Variants in INSC observed in about 807,000 individuals in gnomAD.
INSC encodes protein inscuteable homolog.
Under a neutral mutation model 58.6 loss-of-function variants are expected in INSC, and 67 were observed. That is an observed-to-expected ratio of 1.14 (90% CI 0.94 to 1.40). The LOEUF is 1.40. Among genes scored for constraint, INSC ranks in the 40% most tolerant of loss-of-function variants. INSC has a pLI of 0.00. For synonymous variants in INSC, 262 were observed against 276.1 expected (o/e 0.95, Z 0.51); for missense variants, 714 against 692.0 (o/e 1.03, Z -0.36).
intron 7 of INSC, among the ~76,000 whole-genome samples, chr11:15,215,952 C>T (rs1040972803): frequency 2.0e-5 from 3 of 151,992 alleles, no homozygotes; most frequent in East Asian, 1.9e-4. Context: ...TTGAGGTGCC[C>T]GTGGAATATC....
In INSC at chr11:15,124,475, G is replaced by A. The variant is rs1198766959; in HGVS notation, c.-46+9472G>A. 2.0e-5 allele frequency among the ~76,000 whole-genome samples: 3 copies of A among 152,260 alleles called. No individual in the cohort carries two copies. The East Asian group carries it at 5.8e-4, about 29-fold the overall frequency. Reference sequence around the variant, plus strand: ...CTTTGCAGAGGTGTTAGGGGGCTCTGGCCTTAAGGGGAAATAGGAACACAG... The same window carrying A: ...CTTTGCAGAGGTGTTAGGGGGCTCTAGCCTTAAGGGGAAATAGGAACACAG... On this transcript the variant is annotated intron_variant, in intron 1 of 12. Coordinates refer to ENST00000379556, the MANE Select transcript of INSC (RefSeq NM_001042536.3).
rs553168265 is a variant in INSC at position 15,119,109 on chromosome 11, C to T, written c.-46+4106C>T. Among the ~76,000 whole-genome samples the T allele has an allele frequency of 2.6e-5, 4 of 152,344 alleles. No individual in the cohort carries two copies. The South Asian group carries it at 6.2e-4, about 24-fold the overall frequency. On this transcript the variant is annotated intron_variant, in intron 1 of 12. Transcript: ENST00000379556. ...AAGGCTTTCAAAGCAGAAAAAACTA[C>T]TCCTTTGGGCAAATTGGGGAATGAG... is the stretch of plus-strand genomic sequence containing the variant.
At chr11:15,189,056 A>G (rs1850071775) in intron 5 of INSC, among the ~76,000 whole-genome samples, 1 of 152,240 alleles carries the variant, frequency 6.6e-6, no homozygotes, top group South Asian at 2.1e-4. Flanking sequence ...TAAATACACA[A>G]TTAATCTTAG....
At chr11:15,188,133 A>G in intron 5 of INSC, 1 of 962,324 alleles carries the variant, frequency 1.0e-6, no homozygotes, top group Non-Finnish European at 1.2e-6. Flanking sequence ...GCTTAGGGGA[A>G]GTGTGGCCTT....
intron 10 of INSC, among the ~76,000 whole-genome samples, chr11:15,236,055 CAAAA>C (rs66649068): frequency 0.1 from 9,875 of 98,968 alleles, 720 homozygotes; most frequent in African/African-American, 0.26. Context: ...GACTCTGTCT[CAAAA>C]AAAAAAAAAA....
chr11:15,265,569 T>A, the INSC span, among the ~76,000 whole-genome samples: 2 of 151,830 alleles, frequency 1.3e-5, no homozygotes, highest in Non-Finnish European at 2.9e-5. Flanking sequence ...GCATAAAACT[T>A]TCAAAATATC....
intron 9 of INSC, among the ~76,000 whole-genome samples, chr11:15,229,962 A>T (rs865823677): frequency 1.6e-3 from 45 of 28,190 alleles, no homozygotes; most frequent in African/African-American, 7.3e-3. Context: ...ATATATATTT[A>T]TATATATATA....
intron 2 of INSC, among the ~76,000 whole-genome samples, chr11:15,164,871 A>T (rs912946035): frequency 1.3e-5 from 2 of 152,100 alleles, no homozygotes; most frequent in African/African-American, 4.8e-5. Flanking sequence ...AATAAGTCTC[A>T]CGAGATCTGA....
At chr11:15,236,535 C>T (rs182530002) in intron 10 of INSC, among the ~76,000 whole-genome samples, 5 of 152,324 alleles carry the variant, frequency 3.3e-5, no homozygotes, top group Admixed American at 2.6e-4. Context: ...CACTTGCTCC[C>T]TTGTTCCATC....
At chr11:15,186,111 T>A (rs1308527395) in intron 5 of INSC, among the ~76,000 whole-genome samples, 1 of 152,212 alleles carries the variant, frequency 6.6e-6, no homozygotes, top group African/African-American at 2.4e-5. Context: ...CCTCAGCAGA[T>A]ACCTGAACTG....
chr11:15,114,343 T>C (rs1847640277), upstream of INSC, among the ~76,000 whole-genome samples: 1 of 152,040 alleles, frequency 6.6e-6, no homozygotes, highest in African/African-American at 2.4e-5. Context: ...GTCCAAGATG[T>C]GGAGGGTGAC....
intron 1 of INSC, among the ~76,000 whole-genome samples, chr11:15,125,415 A>G (rs930201016): frequency 3.9e-5 from 6 of 152,198 alleles, no homozygotes; most frequent in African/African-American, 1.4e-4. Flanking sequence ...TTTCGAAGAG[A>G]GAAATGACAT....
intron 1 of INSC, among the ~76,000 whole-genome samples, chr11:15,116,204 C>A (rs61877964): frequency 0.08 from 12,135 of 152,184 alleles, 647 homozygotes; most frequent in Non-Finnish European, 0.12. Context: ...CCAGGTCAGG[C>A]TGGGATCTGA....
chr11:15,185,440 A>G (rs1016166253), intron 5 of INSC, among the ~76,000 whole-genome samples: 24 of 152,112 alleles, frequency 1.6e-4, no homozygotes, highest in African/African-American at 4.8e-4. Context: ...AATTTTTATA[A>G]CTTACAATTA....
intron 8 of INSC, 62 bp from the exon 9 acceptor site, chr11:15,225,588 A>G (rs909227531): frequency 6.6e-7 from 1 of 1,515,748 alleles, no homozygotes; most frequent in Admixed American, 1.8e-5. Context: ...TGTGAACCAA[A>G]TGAGACAAGT....
At chr11:15,129,263 G>A (rs1437851255) in intron 1 of INSC, among the ~76,000 whole-genome samples, 1 of 152,026 alleles carries the variant, frequency 6.6e-6, no homozygotes, top group African/African-American at 2.4e-5. Context: ...CTATTTAGGG[G>A]CTTGCTGTTC....
At chr11:15,178,191 A>G (rs1202714156) in intron 4 of INSC, 133 bp from the exon 5 acceptor site, 6 of 1,216,462 alleles carry the variant, frequency 4.9e-6, no homozygotes, top group Non-Finnish European at 6.9e-6. Context: ...GGAATATTCC[A>G]TCTCTGACTC....
At chr11:15,256,749 A>G in the INSC span, among the ~76,000 whole-genome samples, 3 of 152,082 alleles carry the variant, frequency 2.0e-5, no homozygotes, top group Non-Finnish European at 2.9e-5. Flanking sequence ...CGGCCTCTCA[A>G]AGTGCTGGGA....
intron 1 of INSC, among the ~76,000 whole-genome samples, chr11:15,147,208 T>A (rs1848514666): frequency 6.6e-6 from 1 of 152,220 alleles, no homozygotes; most frequent in African/African-American, 2.4e-5. Flanking sequence ...ATTTTATTGT[T>A]CCTAGTTTTT....
Sources: gnomAD v4.1 joint callset for allele counts (sites outside exome capture counted in the v4.1 genomes callset) on GRCh38, gnomAD v4.1.1 for gene constraint, MANE v1.5 for transcripts, NCBI Gene and HGNC (gene_info 2026-07-23, HGNC 2026-07-21) for gene names.